Variants in HPGDS observed in about 807,000 individuals in gnomAD.
HPGDS encodes GST class-sigma.
In HPGDS, 26 loss-of-function variants were observed where a neutral mutation model predicts 23.1. The ratio of observed to expected loss-of-function variants is 1.13; its 90% CI spans 0.83 to 1.56. The LOEUF (loss-of-function observed/expected upper bound fraction) is 1.56, where lower values mean the gene tolerates loss of function less well. Among genes scored for constraint, HPGDS ranks in the 40% most tolerant of loss-of-function variants. The pLI is 0.00. For synonymous variants in HPGDS, 95 were observed against 77.9 expected, an observed-to-expected ratio of 1.22 and a Z score of -1.16; for missense variants, 268 against 236.4, an observed-to-expected ratio of 1.13 and a Z score of -0.88.
chr4:94,309,010 C>G (rs999147388), intron 3 of HPGDS, among the ~76,000 whole-genome samples: 1 of 144,326 alleles, frequency 6.9e-6, no homozygotes, highest in African/African-American at 2.6e-5. Context: ...CCCATGTCCC[C>G]TACATATCTT....
intron 4 of HPGDS, among the ~76,000 whole-genome samples, 156 bp from the exon 5 acceptor site, chr4:94,302,400 T>G (rs1042329092): frequency 1.3e-5 from 2 of 152,178 alleles, no homozygotes; most frequent in Admixed American, 1.3e-4. Flanking sequence ...CATGGAGATT[T>G]AGGTCTGATT....
At chr4:94,310,013 A>G (rs995843100) in intron 3 of HPGDS, among the ~76,000 whole-genome samples, 2 of 152,062 alleles carry the variant, frequency 1.3e-5, no homozygotes, top group Non-Finnish European at 2.9e-5. Flanking sequence ...TGAGTTCTTT[A>G]TAGATTCTGG....
chr4:94,312,314 G>A lies in HPGDS; in HGVS notation c.227-3571C>T, dbSNP rs180777204. Among the ~76,000 whole-genome samples the A allele has an allele frequency of 8.5e-3, 1,297 of 152,234 alleles. 8 individuals are homozygous for A. Among genetic ancestry groups the A allele is most frequent in the Middle Eastern group, 0.054 (16 of 294 alleles). On this transcript the variant is annotated intron_variant, in intron 3 of 5. Transcript: ENST00000295256. ...TCCCTCTACACACTACTTTAAATGT[G>A]TCCCAGAGATTCTGGTACGTTGTGT...
chr4:94,308,773 G>A (rs752013363), intron 3 of HPGDS, 30 bp from the exon 4 acceptor site: 1 of 1,169,758 alleles, frequency 8.5e-7, no homozygotes, highest in Non-Finnish European at 1.3e-6. Flanking sequence ...CCATCAATAT[G>A]TTTAATTTAC....
intron 2 of HPGDS, among the ~76,000 whole-genome samples, chr4:94,318,949 G>T (rs1017132683): frequency 6.6e-6 from 1 of 152,170 alleles, no homozygotes; most frequent in East Asian, 1.9e-4. Context: ...CTGACCTCAA[G>T]TGATCCACCT....
intron 1 of HPGDS, among the ~76,000 whole-genome samples, chr4:94,336,594 C>A (rs1307299920): frequency 2.0e-5 from 3 of 152,056 alleles, no homozygotes; most frequent in Non-Finnish European, 4.4e-5. Flanking sequence ...TTGAAAGAGA[C>A]AAGAATTGAC....
intron 5 of HPGDS, among the ~76,000 whole-genome samples, chr4:94,300,633 G>T (rs1387056623): frequency 6.6e-6 from 1 of 152,138 alleles, no homozygotes; most frequent in Non-Finnish European, 1.5e-5. Context: ...CCCAGGTTTA[G>T]GTGCTGGAGA....
chr4:94,335,378 T>C (rs1720981622), intron 1 of HPGDS, among the ~76,000 whole-genome samples: 5 of 152,268 alleles, frequency 3.3e-5, no homozygotes, highest in Admixed American at 3.3e-4. Context: ...TCAGTCATTA[T>C]AATTTTATGG....
At chr4:94,342,298 A>G (rs137992016) in intron 1 of HPGDS, among the ~76,000 whole-genome samples, 91 of 152,328 alleles carry the variant, frequency 6.0e-4, no homozygotes, top group Admixed American at 9.8e-4. Flanking sequence ...AAGCCAAAAG[A>G]TGATAGGTTG....
chr4:94,301,264 A>C (rs992598753), intron 5 of HPGDS, among the ~76,000 whole-genome samples: 25 of 152,224 alleles, frequency 1.6e-4, no homozygotes, highest in Non-Finnish European at 3.1e-4. Context: ...CACCTACCAC[A>C]ACTTGTAATC....
intron 3 of HPGDS, among the ~76,000 whole-genome samples, chr4:94,309,121 T>A (rs1420670802): frequency 5.9e-5 from 9 of 151,264 alleles, no homozygotes; most frequent in African/African-American, 1.2e-4. Context: ...CAATTTATTT[T>A]TTTATTTTTT....
intron 4 of HPGDS, among the ~76,000 whole-genome samples, chr4:94,303,290 G>T (rs1417697595): frequency 6.6e-6 from 1 of 152,098 alleles, no homozygotes; most frequent in African/African-American, 2.4e-5. Context: ...AATCCAAGAC[G>T]TTTTGAGCAT....
intron 1 of HPGDS, among the ~76,000 whole-genome samples, chr4:94,340,506 T>A (rs1721140260): frequency 6.9e-6 from 1 of 144,904 alleles, no homozygotes; most frequent in Non-Finnish European, 1.5e-5. Flanking sequence ...GCCCAGCTAA[T>A]TTTTTTGTAT....
intron 5 of HPGDS, 25 bp from the exon 6 acceptor site, chr4:94,299,669 C>T (rs2126033657): frequency 6.3e-7 from 1 of 1,599,748 alleles, no homozygotes; most frequent in Non-Finnish European, 8.5e-7. Flanking sequence ...ACAAACTTTT[C>T]ATTTGAACAT....
chr4:94,325,992 T>C (rs79574820), intron 2 of HPGDS, among the ~76,000 whole-genome samples: 44 of 151,814 alleles, frequency 2.9e-4, no homozygotes, highest in African/African-American at 4.6e-4. Context: ...TTTTTTTTTT[T>C]CAGCACTTTG....
Position 94,312,155 on chromosome 4 carries a change from T to G in HPGDS, c.227-3412A>C, listed in dbSNP as rs11097412. ...CTATCTCCTTCAGTTCTGCTCTGATTTTAGTTATTTCTTGCCTTCTGCTAG... is the reference window on the plus strand; with the variant it reads ...CTATCTCCTTCAGTTCTGCTCTGATGTTAGTTATTTCTTGCCTTCTGCTAG... On this transcript the variant is annotated intron_variant, in intron 3 of 5. Transcript: ENST00000295256. 4.0e-5 allele frequency among the ~76,000 whole-genome samples: 6 copies of G among 151,614 alleles called. No individual in the cohort carries two copies. In the South Asian group the frequency reaches 1.3e-3, roughly 32 times the overall value.
rs1004364535 is a variant in HPGDS at position 94,298,734 on chromosome 4, C to T, written c.*746G>A. 1 of 152,172 alleles carries T rather than the reference C, an allele frequency of 6.6e-6. No homozygotes were observed. Among genetic ancestry groups the T allele is most frequent in the African/African-American group, 2.4e-5 (1 of 41,430 alleles). The allele number at this position is 152,172 out of a possible 1,614,324, so 9.4% of individuals were successfully genotyped here. On this transcript the variant is annotated 3_prime_UTR_variant, in exon 6 of 6. Coordinates refer to ENST00000295256, the MANE Select transcript of HPGDS (RefSeq NM_014485.3). ...ACTTTATTCATGTCAGTAAATTCAT[C>T]TTTACAAGTTTCTCTGGCTGCATAT... is the stretch of plus-strand genomic sequence containing the variant.
intron 5 of HPGDS, 92 bp from the exon 6 acceptor site, chr4:94,299,736 AT>A (rs1170314605): frequency 3.5e-6 from 4 of 1,153,956 alleles, no homozygotes; most frequent in Non-Finnish European, 4.9e-6. Flanking sequence ...AATCTAAAAG[AT>A]TCAAAACAAT....
intron 1 of HPGDS, among the ~76,000 whole-genome samples, chr4:94,342,139 A>G (rs1467512001): frequency 4.1e-5 from 6 of 144,860 alleles, no homozygotes; most frequent in Admixed American, 1.4e-4. Context: ...TGAAAGCTCT[A>G]TTTTTTTTTT....
Sources: allele counts gnomAD v4.1 joint callset (sites outside exome capture counted in the v4.1 genomes callset), GRCh38; gene constraint gnomAD v4.1.1; transcripts MANE v1.5; gene names NCBI Gene and HGNC (gene_info 2026-07-23, HGNC 2026-07-21).